ABITRAM: variants seen among roughly 807,000 people sequenced by gnomAD.
The protein encoded by ABITRAM is protein Abitram.
Under a neutral mutation model 22.9 loss-of-function variants are expected in ABITRAM, and 19 were observed. The ratio of observed to expected loss-of-function variants is 0.83; its 90% CI spans 0.58 to 1.22. ABITRAM has a LOEUF of 1.22. Among genes scored for constraint, ABITRAM ranks in the 50% most tolerant of loss-of-function variants. The probability of loss-of-function intolerance (pLI) is 0.00; values close to 1 mark genes in which losing one functional copy is unlikely to be tolerated. For synonymous variants in ABITRAM, 70 were observed against 73.9 expected (o/e 0.95, Z 0.27); for missense variants, 215 against 220.2 (o/e 0.98, Z 0.15).
downstream of ABITRAM, among the ~76,000 whole-genome samples, chr9:108,943,439 T>C (rs968536691): frequency 6.6e-6 from 1 of 152,232 alleles, no homozygotes; most frequent in Non-Finnish European, 1.5e-5. Flanking sequence ...ACCTGTGTCC[T>C]AGTTGCAGAG....
At chr9:108,945,197 G>A (rs1830365238), downstream of ABITRAM, among the ~76,000 whole-genome samples, 1 of 152,126 alleles carries the variant, frequency 6.6e-6, no homozygotes, top group African/African-American at 2.4e-5. Flanking sequence ...GTATCCATGG[G>A]AGATTGGTTC....
intron 3 of ABITRAM, among the ~76,000 whole-genome samples, chr9:108,946,028 T>C (rs769529857): frequency 4.7e-4 from 72 of 152,150 alleles, no homozygotes; most frequent in Non-Finnish European, 8.5e-4. Flanking sequence ...CAGCTGGGCA[T>C]AGTGGCTCAG....
chr9:108,935,929 C>T, intron 2 of ABITRAM: 1 of 542,352 alleles, frequency 1.8e-6, no homozygotes, highest in Non-Finnish European at 3.3e-6. Flanking sequence ...AGGACCACAT[C>T]ATCAGCTGCT....
At chr9:108,936,917 T>C (rs565566170) in intron 3 of ABITRAM, among the ~76,000 whole-genome samples, 44 of 151,470 alleles carry the variant, frequency 2.9e-4, no homozygotes, top group Admixed American at 2.6e-4. Context: ...AATCTCAGCA[T>C]TTTGGGAGAC....
At chr9:108,947,335 G>A (rs188938252) in intron 3 of ABITRAM, among the ~76,000 whole-genome samples, 26 of 152,140 alleles carry the variant, frequency 1.7e-4, no homozygotes, top group East Asian at 1.2e-3. Context: ...AGATGGTCTC[G>A]ATCTCCTGAC....
Position 108,935,490 on chromosome 9 carries a change from T to C in ABITRAM, c.80-148T>C, listed in dbSNP as rs1464376932. The C allele has an allele frequency of 6.3e-6, 4 of 636,302 alleles. No homozygotes were observed. In the East Asian group the frequency reaches 1.1e-4, roughly 17 times the overall value. 39.4% of individuals were successfully genotyped at this position (636,302 alleles called of 1,614,324 possible). A position where few individuals can be genotyped will look rare whatever the true frequency, so the allele number is the denominator to read the frequency against. ...ACTTTCTAGGAAACCTTTAGGTATG[T>C]CTTTTTGAGTAATGAAGGGATACCC... On this transcript the variant is annotated intron_variant, in intron 1 of 5. Transcript: ENST00000322940.
chr9:108,948,254 TAAG>T (rs1830462597), intron 3 of ABITRAM: 1 of 1,604,864 alleles, frequency 6.2e-7, no homozygotes, highest in Non-Finnish European at 8.5e-7. Context: ...AATTAATTGT[TAAG>T]AAGGTAACAA....
downstream of ABITRAM, among the ~76,000 whole-genome samples, chr9:108,945,628 G>GTTTTTTT (rs11287261): frequency 7.1e-6 from 1 of 140,404 alleles, no homozygotes. Flanking sequence ...TGCCCCGCTA[G>GTTTTTTT]TTTTTTTTTT....
chr9:108,947,048 C>T (rs919656387), intron 3 of ABITRAM, among the ~76,000 whole-genome samples: 4 of 151,984 alleles, frequency 2.6e-5, no homozygotes, highest in African/African-American at 9.7e-5. Flanking sequence ...TCCTCTTAAG[C>T]TGAAATCCCT....
At chr9:108,937,593 TAGTG>T (rs1830205394) in intron 3 of ABITRAM, among the ~76,000 whole-genome samples, 1 of 152,180 alleles carries the variant, frequency 6.6e-6, no homozygotes, top group African/African-American at 2.4e-5. Flanking sequence ...CTCAAGAAAC[TAGTG>T]GACTTAGAAA....
At position 108,935,623 on chromosome 9, in the gene ABITRAM, C is replaced by T. The variant is rs1830171134; in HGVS notation, c.80-15C>T. The T allele has an allele frequency of 6.2e-7, 1 of 1,605,294 alleles. No homozygotes were observed. Among genetic ancestry groups the T allele is most frequent in the African/African-American group, 1.3e-5 (1 of 74,738 alleles). On this transcript the variant is annotated splice_polypyrimidine_tract_variant and intron_variant, in intron 1 of 5. Transcript: ENST00000322940. ...TATTGATTTCAGCCACCAACAGACT[C>T]ATGTATTCTTCTAGATGTCAAAGGA...
rs1408763575 is a variant in ABITRAM, at chr9:108,939,264, T to C, written c.330T>C (p.Thr110=). Residue 110 remains threonine, a synonymous_variant, in exon 4 of 6, where the codon ACT becomes ACC. Transcript: ENST00000322940. The part of the protein sequence containing the change: ...KIYCSDGEEY[T]VSSCVRGRLM... Reference sequence around the variant, plus strand: ...ACTGCTCAGATGGTGAAGAATATACTGTGTCTAGGTGAGTAACTTTTTAGC... The same window carrying C: ...ACTGCTCAGATGGTGAAGAATATACCGTGTCTAGGTGAGTAACTTTTTAGC... 8 of 1,611,090 alleles carry C rather than the reference T, an allele frequency of 5.0e-6. No homozygotes were observed. In the African/African-American group the frequency reaches 6.7e-5, roughly 13 times the overall value.
chr9:108,942,833 A>G, downstream of ABITRAM: 2 of 1,613,716 alleles, frequency 1.2e-6, no homozygotes, highest in Non-Finnish European at 1.7e-6. Flanking sequence ...TTCCATCTGA[A>G]GCTGGAAAGA....
chr9:108,936,604 C>G (rs1281676835), intron 3 of ABITRAM, among the ~76,000 whole-genome samples, 167 bp downstream of exon 3: 1 of 152,148 alleles, frequency 6.6e-6, no homozygotes, highest in Admixed American at 6.5e-5. Flanking sequence ...TCAGCTCCCC[C>G]AAATTAGGTA....
At chr9:108,950,023 C>CAAAA (rs145183101) in intron 3 of ABITRAM, among the ~76,000 whole-genome samples, 2 of 76,104 alleles carry the variant, frequency 2.6e-5, no homozygotes, top group Admixed American at 1.3e-4. Context: ...GGCTACATCT[C>CAAAA]AAAAAAAAAA....
chr9:108,936,544 C>T, intron 3 of ABITRAM, 107 bp downstream of exon 3: 1 of 1,277,526 alleles, frequency 7.8e-7, no homozygotes, highest in Middle Eastern at 2.0e-4. Flanking sequence ...GCATACTTCT[C>T]TAGCAGTTTG....
chr9:108,949,592 C>T (rs1485383423), intron 3 of ABITRAM, among the ~76,000 whole-genome samples: 1 of 152,154 alleles, frequency 6.6e-6, no homozygotes, highest in Non-Finnish European at 1.5e-5. Flanking sequence ...GCCTGTAATC[C>T]CAGCACTTTG....
chr9:108,944,482 A>C (rs1378039326), downstream of ABITRAM, among the ~76,000 whole-genome samples: 1 of 152,224 alleles, frequency 6.6e-6, no homozygotes, highest in Non-Finnish European at 1.5e-5. Flanking sequence ...TGAGAGAACC[A>C]ATCCAGGTGG....
chr9:108,948,021 C>T (rs1008043771), intron 3 of ABITRAM, among the ~76,000 whole-genome samples: 2 of 152,198 alleles, frequency 1.3e-5, no homozygotes, highest in African/African-American at 4.8e-5. Context: ...TGCAAAATGT[C>T]ATTGCAAGCC....
Sources: allele counts gnomAD v4.1 joint callset (sites outside exome capture counted in the v4.1 genomes callset), GRCh38; gene constraint gnomAD v4.1.1; transcripts MANE v1.5; gene names NCBI Gene and HGNC (gene_info 2026-07-23, HGNC 2026-07-21).